The following VTI1A variants were observed in gnomAD, a reference collection of about 807,000 sequenced individuals.
The protein encoded by VTI1A is vesicle transport through interaction with t-SNAREs homolog 1A.
VTI1A carries 22 observed loss-of-function variants against 34.9 expected under a neutral mutation model. The observed-to-expected ratio is 0.63, with a 90% CI of 0.45 to 0.90. The LOEUF (loss-of-function observed/expected upper bound fraction) is 0.90, where lower values mean the gene tolerates loss of function less well. Ranked by LOEUF, VTI1A falls within the 40% of genes least tolerant of loss-of-function variation. VTI1A has a pLI of 0.00. For missense variants in VTI1A, 268 were observed against 275.6 expected (o/e 0.97, Z 0.20); for synonymous variants, 87 against 97.3 (o/e 0.89, Z 0.62).
rs191914662 is a variant in VTI1A, at chr10:112,772,412, C to T, written c.561-42878C>T. ...TAATTAGGTTGTCTTTTTATTAGTA[C>T]GTTGTAAGAGTTTTTTAAGATAGTC... On this transcript the variant is annotated intron_variant, in intron 7 of 7. Transcript: ENST00000393077. Among the ~76,000 whole-genome samples, 33 of 151,948 alleles carry T rather than the reference C, an allele frequency of 2.2e-4. No individual in the cohort carries two copies. In the South Asian group the frequency reaches 3.7e-3, roughly 17 times the overall value.
intron 5 of VTI1A, among the ~76,000 whole-genome samples, chr10:112,567,194 T>C (rs879409436): frequency 2.6e-5 from 4 of 152,048 alleles, no homozygotes; most frequent in Non-Finnish European, 5.9e-5. Context: ...CATGCCCGGC[T>C]AATTTTTCTA....
intron 7 of VTI1A, among the ~76,000 whole-genome samples, chr10:112,674,826 C>T (rs1052490014): frequency 6.6e-6 from 1 of 152,280 alleles, no homozygotes; most frequent in South Asian, 2.1e-4. Flanking sequence ...TCTTTTGACA[C>T]ACTACACAAG....
intron 7 of VTI1A, among the ~76,000 whole-genome samples, chr10:112,724,948 G>C (rs1035621952): frequency 6.6e-6 from 1 of 151,764 alleles, no homozygotes; most frequent in Non-Finnish European, 1.5e-5. Flanking sequence ...GTTTTGTTTT[G>C]TTAGAGTGTT....
chr10:112,749,187 C>T (rs764807058), intron 7 of VTI1A, among the ~76,000 whole-genome samples: 27 of 152,220 alleles, frequency 1.8e-4, no homozygotes, highest in African/African-American at 5.3e-4. Context: ...AGGGTAGTTG[C>T]GAAGCCAGTC....
intron 5 of VTI1A, among the ~76,000 whole-genome samples, chr10:112,594,114 T>G (rs186892278): frequency 6.6e-6 from 1 of 152,234 alleles, no homozygotes; most frequent in Admixed American, 6.5e-5. Flanking sequence ...GGTTTCACTG[T>G]GTTAGCCAGG....
At chr10:112,452,904 A>G (rs1239996732) in intron 1 of VTI1A, among the ~76,000 whole-genome samples, 1 of 152,076 alleles carries the variant, frequency 6.6e-6, no homozygotes, top group Non-Finnish European at 1.5e-5. Context: ...ATATTGATAC[A>G]TTATTATTAA....
At chr10:112,822,269 C>G (rs1368021567), downstream of VTI1A, among the ~76,000 whole-genome samples, 5 of 152,180 alleles carry the variant, frequency 3.3e-5, no homozygotes, top group Non-Finnish European at 7.3e-5. Flanking sequence ...CCCCGTTCTT[C>G]TAAGGATTGC....
chr10:112,613,879 G>A (rs1035993098), intron 5 of VTI1A, among the ~76,000 whole-genome samples: 24 of 152,190 alleles, frequency 1.6e-4, no homozygotes, highest in African/African-American at 2.9e-4. Flanking sequence ...TCTGTCATGC[G>A]TCAGCCTCAA....
chr10:112,833,838 C>T, the VTI1A span, among the ~76,000 whole-genome samples: 1 of 152,114 alleles, frequency 6.6e-6, no homozygotes, highest in Non-Finnish European at 1.5e-5. Context: ...AAGGAGTATC[C>T]TTAGAAAAAT....
chr10:112,690,060 T>C (rs1848560862), intron 7 of VTI1A, among the ~76,000 whole-genome samples: 1 of 152,232 alleles, frequency 6.6e-6, no homozygotes, highest in Non-Finnish European at 1.5e-5. Context: ...GCATAGAGCT[T>C]TTGAAATTAA....
chr10:112,653,002 C>A (rs1156263092), intron 5 of VTI1A, among the ~76,000 whole-genome samples: 1 of 152,194 alleles, frequency 6.6e-6, no homozygotes, highest in African/African-American at 2.4e-5. Context: ...AAGTACACTC[C>A]ACAGGTTGGG....
At chr10:112,588,691 G>C (rs528828703) in intron 5 of VTI1A, among the ~76,000 whole-genome samples, 16 of 152,286 alleles carry the variant, frequency 1.1e-4, no homozygotes, top group African/African-American at 3.8e-4. Flanking sequence ...ATGCATGAAA[G>C]GTCATTTTTA....
chr10:112,752,632 C>A (rs2133994337), intron 7 of VTI1A: 1 of 960,994 alleles, frequency 1.0e-6, no homozygotes. Flanking sequence ...TTATAAGGCC[C>A]ATTTGCTTTA....
intron 5 of VTI1A, among the ~76,000 whole-genome samples, chr10:112,568,008 C>G (rs779193600): frequency 3.9e-5 from 6 of 152,128 alleles, no homozygotes; most frequent in Non-Finnish European, 5.9e-5. Flanking sequence ...GGCAGTTAAG[C>G]TTGTGATCAT....
intron 7 of VTI1A, among the ~76,000 whole-genome samples, chr10:112,747,626 TAAG>T (rs1307179038): frequency 6.6e-6 from 1 of 152,164 alleles, no homozygotes; most frequent in Non-Finnish European, 1.5e-5. Flanking sequence ...GAATAAAACA[TAAG>T]AATATTGGTA....
chr10:112,613,608 G>A (rs566267768), intron 5 of VTI1A, among the ~76,000 whole-genome samples: 2 of 152,190 alleles, frequency 1.3e-5, no homozygotes, highest in African/African-American at 2.4e-5. Context: ...TGATTAGAAT[G>A]CATTAATTTT....
At chr10:112,801,419 A>G (rs768733468) in intron 7 of VTI1A, among the ~76,000 whole-genome samples, 1 of 152,218 alleles carries the variant, frequency 6.6e-6, no homozygotes, top group African/African-American at 2.4e-5. Context: ...TCCGGAAGTT[A>G]TATTGCTCTT....
chr10:112,492,070 G>A (rs1007492719), intron 3 of VTI1A, among the ~76,000 whole-genome samples: 91 of 152,270 alleles, frequency 6.0e-4, no homozygotes, highest in African/African-American at 1.9e-3. Context: ...GTTCGATCAA[G>A]GTTGGGCACT....
downstream of VTI1A, chr10:112,823,432 G>C (rs903316383): frequency 6.6e-6 from 1 of 152,234 alleles, no homozygotes. Context: ...AGTGTCACTG[G>C]GCCCGCCGGC....
Sources: gnomAD v4.1 joint callset for allele counts (sites outside exome capture counted in the v4.1 genomes callset) on GRCh38, gnomAD v4.1.1 for gene constraint, MANE v1.5 for transcripts, NCBI Gene and HGNC (gene_info 2026-07-23, HGNC 2026-07-21) for gene names.